SERPINA3: variants seen among roughly 807,000 people sequenced by gnomAD.
SERPINA3 encodes the protein serpin family A member 3, also known as alpha-1-antichymotrypsin.
Under a neutral mutation model 26.8 loss-of-function variants are expected in SERPINA3, and 32 were observed. That is an observed-to-expected ratio of 1.20 (90% confidence interval 0.90 to 1.61). The LOEUF (loss-of-function observed/expected upper bound fraction) is 1.61, where lower values mean the gene tolerates loss of function less well. Ranked by LOEUF, SERPINA3 falls within the 40% of genes most tolerant of loss-of-function variation. SERPINA3 has a pLI of 0.00. For missense variants in SERPINA3, 632 were observed against 517.9 expected, an observed-to-expected ratio of 1.22 and a Z score of -2.14; for synonymous variants, 252 against 206.4, an observed-to-expected ratio of 1.22 and a Z score of -1.89.
Position 94,623,627 on chromosome 14 carries a change from T to C in SERPINA3, c.1085T>C (p.Val362Ala). 6.2e-7 allele frequency: 1 copy of C among 1,614,148 alleles called. No homozygotes were observed. The highest frequency in any genetic ancestry group is 8.5e-7 in the Non-Finnish European group (1 of 1,180,020). Residue 362 changes from valine to alanine, a missense_variant, in exon 5 of 5, where the codon GTG becomes GCG. Transcript: ENST00000393078. ...LAVSQVVHKA[V>A]LDVFEEGTEA... ...TCCCCACAGGTGGTCCATAAGGCTG[T>C]GCTTGATGTATTTGAGGAGGGCACA...
intron 1 of SERPINA3, 129 bp from the exon 2 acceptor site, chr14:94,614,305 C>T: frequency 1.1e-6 from 1 of 886,800 alleles, no homozygotes; most frequent in East Asian, 2.5e-5. Flanking sequence ...GAGCACCTAC[C>T]TGAGGGAGGC....
At position 94,623,993 on chromosome 14, in the gene SERPINA3, C is replaced by T; in HGVS notation, c.*179C>T. On this transcript the variant is annotated 3_prime_UTR_variant, in exon 5 of 5. Transcript: ENST00000393078. The stretch of plus-strand genomic sequence containing the variant: ...TGTAGCTCTCACATGCACAGGGGCC[C>T]ATGGACTCTTCAGTCTGGAGGGTCC... 1 of 668,514 alleles carries T rather than the reference C, an allele frequency of 1.5e-6. No individual in the cohort carries two copies. The highest frequency in any genetic ancestry group is 2.7e-5 in the East Asian group (1 of 36,968). 41.4% of individuals were successfully genotyped at this position (668,514 alleles called of 1,614,324 possible).
intron 2 of SERPINA3, chr14:94,615,618 T>C: frequency 2.9e-6 from 1 of 340,246 alleles, no homozygotes; most frequent in Non-Finnish European, 5.8e-6. Flanking sequence ...CAAGATTCTA[T>C]GATTCTACTC....
At chr14:94,612,935 G>T (rs560093452) in intron 1 of SERPINA3, among the ~76,000 whole-genome samples, 5 of 152,312 alleles carry the variant, frequency 3.3e-5, no homozygotes, top group Non-Finnish European at 7.4e-5. Context: ...CGACAGATGG[G>T]CTGTGTCTCT....
chr14:94,614,333 G>A, intron 1 of SERPINA3, 101 bp from the exon 2 acceptor site: 1 of 1,189,966 alleles, frequency 8.4e-7, no homozygotes, highest in Non-Finnish European at 1.2e-6. Flanking sequence ...CTAGCAAGAG[G>A]CAGCAGGACA....
chr14:94,619,453 A>T lies in SERPINA3; in HGVS notation c.902A>T (p.Asp301Val), dbSNP rs757260081. Reference protein sequence around the residue: ...LLPETLKRWRDSLEFREIGEL... With the variant: ...LLPETLKRWRVSLEFREIGEL... ...CCAGAGACCCTGAAGCGGTGGAGAG[A>T]CTCTCTGGAGTTCAGGTGATTCTTC... Residue 301 changes from aspartate (D) to valine (V), a missense_variant, in exon 3 of 5, where the codon GAC becomes GTC. By Grantham distance (152) the Asp-to-Val change is radical. Coordinates refer to ENST00000393078, the MANE Select transcript of SERPINA3 (RefSeq NM_001085.5). The T allele has an allele frequency of 1.2e-6, 2 of 1,613,730 alleles. No individual in the cohort carries two copies. Among genetic ancestry groups the T allele is most frequent in the Non-Finnish European group, 1.7e-6 (2 of 1,179,946 alleles).
At chr14:94,615,499 A>C (rs1289209652) in intron 2 of SERPINA3, 4 of 457,430 alleles carry the variant, frequency 8.7e-6, no homozygotes, top group African/African-American at 2.0e-5. Context: ...TGCCCTGCAC[A>C]TGTGGGAGGA....
chr14:94,623,796 C>A lies in SERPINA3; in HGVS notation c.1254C>A (p.Thr418=), dbSNP rs1886295470. ...ACATCTTCTTCATGAGCAAAGTCACCAATCCCAAGCAAGCCTAGAGCTTGC... is the reference window on the plus strand; with the variant it reads ...ACATCTTCTTCATGAGCAAAGTCACAAATCCCAAGCAAGCCTAGAGCTTGC... ...TQNIFFMSKV[T]NPKQA Residue 418 remains threonine (T), a synonymous_variant, in exon 5 of 5, where the codon ACC becomes ACA. Transcript: ENST00000393078. The A allele has an allele frequency of 3.7e-6, 6 of 1,613,916 alleles. No individual in the cohort carries two copies. The highest frequency in any genetic ancestry group is 1.7e-5 in the Admixed American group (1 of 59,984).
Position 94,619,608 on chromosome 14 carries a change from A to G in SERPINA3, c.917+140A>G, listed in dbSNP as rs1302271852. 6.7e-6 allele frequency: 7 copies of G among 1,048,600 alleles called. No homozygotes were observed. In the Admixed American group the frequency reaches 1.2e-4, roughly 18 times the overall value. The allele number at this position is 1,048,600 out of a possible 1,614,324, so 65.0% of individuals were successfully genotyped here. On this transcript the variant is annotated intron_variant, in intron 3 of 4. Coordinates refer to ENST00000393078, the MANE Select transcript of SERPINA3 (RefSeq NM_001085.5). ...ACTTACTTTGCCCTATGCTGCCTAC[A>G]TGGCTTTGGGCTTGATTTTTCTTTT...
Position 94,622,426 on chromosome 14 carries a change from G to A in SERPINA3, c.1003G>A (p.Glu335Lys), listed in dbSNP as rs903904415. 4.3e-6 allele frequency: 7 copies of A among 1,613,956 alleles called. No individual in the cohort carries two copies. In the African/African-American group the frequency reaches 9.3e-5, roughly 22 times the overall value. ...NDILLQLGIE[E>K]AFTSKADLSG... ...CATACTTCTCCAGCTGGGCATTGAG[G>A]AAGCCTTCACCAGCAAGGCTGACCT... Residue 335 changes from glutamate to lysine, a missense_variant, in exon 4 of 5, where the codon GAA (glutamate) becomes AAA (lysine). By Grantham distance (56) the Glu-to-Lys change is moderately conservative. Coordinates refer to ENST00000393078, the MANE Select transcript of SERPINA3 (RefSeq NM_001085.5).
At chr14:94,620,548 C>T (rs1482877973) in intron 3 of SERPINA3, among the ~76,000 whole-genome samples, 2 of 152,076 alleles carry the variant, frequency 1.3e-5, no homozygotes, top group Non-Finnish European at 1.5e-5. Flanking sequence ...AGGAGTGCTG[C>T]GATCCGAGTG....
chr14:94,614,955 G>T lies in SERPINA3; in HGVS notation c.514G>T (p.Asp172Tyr). Residue 172 changes from aspartate (D) to tyrosine (Y), a missense_variant, in exon 2 of 5, where the codon GAC becomes TAC. Coordinates refer to ENST00000393078, the MANE Select transcript of SERPINA3 (RefSeq NM_001085.5). ...GSEAFATDFQ[D>Y]SAAAKKLIND... ...CGAGGCCTTTGCCACTGACTTTCAG[G>T]ACTCAGCTGCAGCTAAGAAGCTCAT... 6.2e-7 allele frequency: 1 copy of T among 1,613,252 alleles called. No individual in the cohort carries two copies. The highest frequency in any genetic ancestry group is 1.3e-5 in the African/African-American group (1 of 75,042).
At chr14:94,622,926 G>C (rs1325927531) in intron 4 of SERPINA3, among the ~76,000 whole-genome samples, 1 of 152,226 alleles carries the variant, frequency 6.6e-6, no homozygotes, top group Non-Finnish European at 1.5e-5. Context: ...CGGAGTATGA[G>C]AGAAGACTAC....
chr14:94,614,378 G>T, intron 1 of SERPINA3, 56 bp from the exon 2 acceptor site: 1 of 1,557,904 alleles, frequency 6.4e-7, no homozygotes, highest in South Asian at 1.1e-5. Context: ...AGGGCAGTGG[G>T]AGGTGGTCGG....
At position 94,614,853 on chromosome 14, in the gene SERPINA3, G is replaced by A; in HGVS notation, c.412G>A (p.Gly138Arg). 6.2e-7 allele frequency: 1 copy of A among 1,614,166 alleles called. No individual in the cohort carries two copies. The highest frequency in any genetic ancestry group is 8.5e-7 in the Non-Finnish European group (1 of 1,180,042). ...QSSDELQLSM[G>R]NAMFVKEQLS... ...CAGCGATGAGCTGCAGCTGAGTATG[G>A]GAAATGCCATGTTTGTCAAAGAGCA... is the stretch of plus-strand genomic sequence containing the variant. The change falls in exon 2 of 5, where the codon GGA (glycine) becomes AGA (arginine). Residue 138 changes from glycine (G) to arginine (R), a missense_variant. Gly to Arg is a moderately radical substitution (Grantham distance 125, BLOSUM62 -2). Coordinates refer to ENST00000393078, the MANE Select transcript of SERPINA3 (RefSeq NM_001085.5).
intron 4 of SERPINA3, 115 bp downstream of exon 4, chr14:94,622,606 A>C (rs76683768): frequency 0.022 from 25,790 of 1,162,732 alleles, 385 homozygotes; most frequent in Non-Finnish European, 0.027. Flanking sequence ...ATTTCTCATT[A>C]TATACTCACC....
chr14:94,619,455 T>C lies in SERPINA3; in HGVS notation c.904T>C (p.Ser302Pro), dbSNP rs1262530329. The change falls in exon 3 of 5, where the codon TCT (serine) becomes CCT (proline). Residue 302 changes from serine to proline, a missense_variant. Ser to Pro is a moderately conservative substitution (Grantham distance 74). Coordinates refer to ENST00000393078, the MANE Select transcript of SERPINA3 (RefSeq NM_001085.5). ...LPETLKRWRD[S>P]LEFREIGELY... ...AGAGACCCTGAAGCGGTGGAGAGAC[T>C]CTCTGGAGTTCAGGTGATTCTTCCT... 1.9e-6 allele frequency: 3 copies of C among 1,613,988 alleles called. No individual in the cohort carries two copies. The highest frequency in any genetic ancestry group is 1.7e-4 in the Middle Eastern group (1 of 6,060).
intron 2 of SERPINA3, chr14:94,617,965 G>A (rs936886466): frequency 8.6e-5 from 13 of 151,632 alleles, no homozygotes; most frequent in Non-Finnish European, 1.5e-4. Context: ...TTAGCTTTAG[G>A]TACACACAAA....
Position 94,622,430 on chromosome 14 carries a change from C to G in SERPINA3, c.1007C>G (p.Ala336Gly), listed in dbSNP as rs761837151. ...DILLQLGIEE[A>G]FTSKADLSGI... ...CTTCTCCAGCTGGGCATTGAGGAAG[C>G]CTTCACCAGCAAGGCTGACCTGTCA... The change falls in exon 4 of 5, where the codon GCC becomes GGC. Residue 336 changes from alanine to glycine, a missense_variant. By Grantham distance (60) the Ala-to-Gly change is moderately conservative. Transcript: ENST00000393078. The G allele has an allele frequency of 1.1e-5, 17 of 1,613,974 alleles. No homozygotes were observed. Among genetic ancestry groups the G allele is most frequent in the Admixed American group, 3.3e-5 (2 of 59,994 alleles).
Sources: allele counts gnomAD v4.1 joint callset (sites outside exome capture counted in the v4.1 genomes callset), GRCh38; gene constraint gnomAD v4.1.1; transcripts MANE v1.5; gene names NCBI Gene and HGNC (gene_info 2026-07-23, HGNC 2026-07-21).